DPYD: variants seen among roughly 807,000 people sequenced by gnomAD.
The protein encoded by DPYD is dihydropyrimidine dehydrogenase [NADP(+)].
In DPYD, 109 loss-of-function variants were observed where a neutral mutation model predicts 116.2. The ratio of observed to expected loss-of-function variants is 0.94; its 90% confidence interval spans 0.80 to 1.10. The LOEUF (loss-of-function observed/expected upper bound fraction) is 1.10. Ranked by LOEUF, DPYD falls within the 50% of genes least tolerant of loss-of-function variation. The probability of loss-of-function intolerance (pLI) is 0.00; values close to 1 mark genes in which losing one functional copy is unlikely to be tolerated. For synonymous variants in DPYD, 440 were observed against 432.0 expected (o/e 1.02, Z -0.23); for missense variants, 1,302 against 1,254.5 (o/e 1.04, Z -0.57).
At chr1:97,890,165 G>T (rs930514926) in intron 1 of DPYD, among the ~76,000 whole-genome samples, 2 of 151,900 alleles carry the variant, frequency 1.3e-5, no homozygotes, top group Non-Finnish European at 2.9e-5. Context: ...TTCTTTTTGG[G>T]TGAAGAAACC....
chr1:97,564,684 G>A (rs1652393339), intron 11 of DPYD, among the ~76,000 whole-genome samples: 1 of 152,030 alleles, frequency 6.6e-6, no homozygotes, highest in South Asian at 2.1e-4. Context: ...CTCCCAGCTA[G>A]CTACCCCACA....
chr1:97,597,725 C>A (rs1370844857), intron 8 of DPYD, among the ~76,000 whole-genome samples: 1 of 152,184 alleles, frequency 6.6e-6, no homozygotes, highest in Non-Finnish European at 1.5e-5. Flanking sequence ...CTTAAGTCTG[C>A]ACAATCAGCT....
At chr1:97,111,498 T>G (rs1651595642) in intron 20 of DPYD, among the ~76,000 whole-genome samples, 1 of 151,976 alleles carries the variant, frequency 6.6e-6, no homozygotes, top group African/African-American at 2.4e-5. Context: ...GTTTTTTTTT[T>G]TGGTCTGCAT....
intron 5 of DPYD, among the ~76,000 whole-genome samples, chr1:97,709,403 T>A (rs1479164320): frequency 6.6e-6 from 1 of 151,880 alleles, no homozygotes; most frequent in African/African-American, 2.4e-5. Flanking sequence ...GGTATATATT[T>A]TTTTAATTTT....
At chr1:97,334,045 A>C (rs1452300650) in intron 16 of DPYD, among the ~76,000 whole-genome samples, 1 of 152,200 alleles carries the variant, frequency 6.6e-6, no homozygotes, top group Non-Finnish European at 1.5e-5. Context: ...TTAGGGGTCT[A>C]CAGGGATCAT....
chr1:97,863,756 A>T (rs556729049), intron 2 of DPYD, among the ~76,000 whole-genome samples: 117 of 152,022 alleles, frequency 7.7e-4, no homozygotes, highest in Middle Eastern at 3.4e-3. Flanking sequence ...AACCAATTTT[A>T]AAAAACCCTT....
At chr1:97,387,805 T>C (rs2101589135) in intron 14 of DPYD, among the ~76,000 whole-genome samples, 2 of 152,176 alleles carry the variant, frequency 1.3e-5, no homozygotes, top group East Asian at 3.9e-4. Flanking sequence ...TGTAGATTCA[T>C]GAGAGGACAG....
chr1:97,282,068 T>C (rs1665357544), intron 18 of DPYD, among the ~76,000 whole-genome samples: 1 of 152,118 alleles, frequency 6.6e-6, no homozygotes, highest in Non-Finnish European at 1.5e-5. Flanking sequence ...GTTGCTTTTA[T>C]TGACTTACCA....
chr1:97,397,574 A>G (rs1203407735), intron 14 of DPYD, among the ~76,000 whole-genome samples: 1 of 151,926 alleles, frequency 6.6e-6, no homozygotes, highest in Non-Finnish European at 1.5e-5. Context: ...TACTGTCACC[A>G]TAGTTTTGTC....
intron 12 of DPYD, among the ~76,000 whole-genome samples, chr1:97,537,528 C>T (rs899280616): frequency 1.1e-4 from 13 of 123,752 alleles, no homozygotes; most frequent in African/African-American, 4.2e-4. Flanking sequence ...ATAATCTCAA[C>T]CCAAAAAAGA....
intron 20 of DPYD, among the ~76,000 whole-genome samples, chr1:97,136,370 TGTTTTAAAGAC>T (rs1387550749): frequency 2.0e-5 from 3 of 152,196 alleles, no homozygotes; most frequent in African/African-American, 7.2e-5. Flanking sequence ...TTATTATTCC[TGTTTTAAAGAC>T]GAGAAAATGA....
intron 18 of DPYD, among the ~76,000 whole-genome samples, chr1:97,275,573 T>C (rs935531422): frequency 6.6e-6 from 1 of 152,200 alleles, no homozygotes; most frequent in Non-Finnish European, 1.5e-5. Context: ...ATTATGAGTA[T>C]GTGAAAGTGG....
chr1:97,345,896 A>AT (rs891737142), intron 16 of DPYD, among the ~76,000 whole-genome samples: 17 of 151,900 alleles, frequency 1.1e-4, no homozygotes, highest in East Asian at 3.9e-4. Flanking sequence ...TATTTTAATG[A>AT]TTTTTTTTAC....
chr1:97,707,414 G>A (rs1662033188), intron 5 of DPYD, among the ~76,000 whole-genome samples: 1 of 151,284 alleles, frequency 6.6e-6, no homozygotes, highest in Non-Finnish European at 1.5e-5. Context: ...TCTAGCATTA[G>A]GTATATCTCC....
At chr1:97,221,202 G>C (rs1660746727) in intron 19 of DPYD, among the ~76,000 whole-genome samples, 1 of 145,100 alleles carries the variant, frequency 6.9e-6, no homozygotes, top group Non-Finnish European at 1.5e-5. Context: ...AGAAGAATCA[G>C]CAATTAATAA....
At chr1:97,472,340 A>G (rs1374523940) in intron 13 of DPYD, among the ~76,000 whole-genome samples, 5 of 152,082 alleles carry the variant, frequency 3.3e-5, no homozygotes, top group African/African-American at 1.2e-4. Context: ...TCCTTCACCC[A>G]CCTGGTTGCA....
rs114076234 is a variant in DPYD, at chr1:97,782,184, G to A, written c.234-41705C>T. ...CATCCTCTCACACTAATAGATACATGATTAAACCACTGCAAACAAAGGTCT... is the reference window on the plus strand; with the variant it reads ...CATCCTCTCACACTAATAGATACATAATTAAACCACTGCAAACAAAGGTCT... On this transcript the variant is annotated intron_variant, in intron 3 of 22. Coordinates refer to ENST00000370192, the MANE Select transcript of DPYD (RefSeq NM_000110.4). Among the ~76,000 whole-genome samples the A allele has an allele frequency of 5.6e-3, 857 of 152,284 alleles. 10 individuals carry two copies. The highest frequency in any genetic ancestry group is 0.019 in the African/African-American group (805 of 41,554).
At chr1:97,435,577 A>G (rs1675425042) in intron 14 of DPYD, among the ~76,000 whole-genome samples, 1 of 151,998 alleles carries the variant, frequency 6.6e-6, no homozygotes, top group East Asian at 1.9e-4. Context: ...TCACAGATAT[A>G]GTTTAAACTG....
At chr1:97,842,774 C>T (rs1670100251) in intron 2 of DPYD, among the ~76,000 whole-genome samples, 1 of 151,956 alleles carries the variant, frequency 6.6e-6, no homozygotes, top group South Asian at 2.1e-4. Flanking sequence ...ACACTAGTGC[C>T]TATTTATAAA....
Sources: allele counts gnomAD v4.1 joint callset (sites outside exome capture counted in the v4.1 genomes callset), GRCh38; gene constraint gnomAD v4.1.1; transcripts MANE v1.5; gene names NCBI Gene and HGNC (gene_info 2026-07-23, HGNC 2026-07-21).